The following IL3RA variants were observed in gnomAD, a reference collection of about 807,000 sequenced individuals.
IL3RA encodes interleukin-3 receptor subunit alpha.
IL3RA carries 73 observed loss-of-function variants against 52.3 expected under a neutral mutation model. That is an observed-to-expected ratio of 1.40 (90% CI 1.16 to 1.70). IL3RA has a LOEUF of 1.70. Ranked by LOEUF, IL3RA falls within the 40% of genes most tolerant of loss-of-function variation. The pLI is 0.00. For synonymous variants in IL3RA, 260 were observed against 194.0 expected, an observed-to-expected ratio of 1.34 and a Z score of -2.83; for missense variants, 664 against 504.4, an observed-to-expected ratio of 1.32 and a Z score of -3.03.
At chrX:1,354,216 C>T (rs779373509) in intron 6 of IL3RA, among the ~76,000 whole-genome samples, 32 of 152,270 alleles carry the variant, frequency 2.1e-4, no homozygotes, top group African/African-American at 7.0e-4. Context: ...CTTCAGCCCA[C>T]GCCAGTCACC....
chrX:1,368,150 T>C (rs2088313436), intron 9 of IL3RA, among the ~76,000 whole-genome samples: 1 of 152,044 alleles, frequency 6.6e-6, no homozygotes, highest in Admixed American at 6.5e-5. Context: ...TCCCAGCTAC[T>C]CGGGAGGCTG....
chrX:1,382,285 T>C, intron 11 of IL3RA, 106 bp from the exon 12 acceptor site: 1 of 1,026,420 alleles, frequency 9.7e-7, no homozygotes, highest in Non-Finnish European at 1.5e-6. Flanking sequence ...ACACCATGCC[T>C]GGCCCACAGA....
chrX:1,347,133 A>C (rs1428161221), intron 3 of IL3RA, among the ~76,000 whole-genome samples: 5 of 151,528 alleles, frequency 3.3e-5, no homozygotes, highest in Non-Finnish European at 7.3e-5. Context: ...GTTCATACCC[A>C]ATGTGCGGAT....
At position 1,382,525 on chromosome X, in the gene IL3RA, GCA is replaced by G. The variant is rs2089230675; in HGVS notation, c.*63_*64del. The G allele has an allele frequency of 6.8e-7, 1 of 1,468,720 alleles. No individual in the cohort carries two copies. Among genetic ancestry groups the G allele is most frequent in the Non-Finnish European group, 9.5e-7 (1 of 1,047,500 alleles). 91.0% of individuals were successfully genotyped at this position (1,468,720 alleles called of 1,614,324 possible). A position where few individuals can be genotyped will look rare whatever the true frequency, so the allele number is the denominator to read the frequency against. On this transcript the variant is annotated 3_prime_UTR_variant, in exon 12 of 12. Coordinates refer to ENST00000331035, the MANE Select transcript of IL3RA (RefSeq NM_002183.4). Reference sequence around the variant, plus strand: ...ATCTCCCTGGCCGGGCCAGGCGCCTGCACAGACTGGCTGCTGGACCTGCGCAC... The same window carrying G: ...ATCTCCCTGGCCGGGCCAGGCGCCTGCAGACTGGCTGCTGGACCTGCGCAC...
intron 3 of IL3RA, among the ~76,000 whole-genome samples, chrX:1,346,891 C>T (rs1185974975): frequency 3.3e-5 from 5 of 151,224 alleles, no homozygotes; most frequent in Non-Finnish European, 4.4e-5. Flanking sequence ...TGCGTCTGCT[C>T]GGGCCACCAT....
rs554191677 is a variant in IL3RA at position 1,364,426 on chromosome X, G to C, written c.760-712G>C. On this transcript the variant is annotated intron_variant, in intron 8 of 11. Transcript: ENST00000331035. ...GAATCGCTTGAATCTGGGAGGCGGAGGTTGCGGTGAGCCGAGTTGGTGCCA... is the reference window on the plus strand; with the variant it reads ...GAATCGCTTGAATCTGGGAGGCGGACGTTGCGGTGAGCCGAGTTGGTGCCA... Among the ~76,000 whole-genome samples, 48 of 152,222 alleles carry C rather than the reference G, an allele frequency of 3.2e-4. No homozygotes were observed. In the South Asian group the frequency reaches 9.7e-3, roughly 31 times the overall value.
Position 1,348,647 on chromosome X carries a change from TTTCTTTCTTTCTTTCTTTC to T in IL3RA, c.298+105_298+123del, listed in dbSNP as rs1262090266. 86 of 308,036 alleles carry T rather than the reference TTTCTTTCTTTCTTTCTTTC, an allele frequency of 2.8e-4. 2 individuals carry two copies. The African/African-American group carries it at 5.0e-3, about 18-fold the overall frequency. The allele number at this position is 308,036 out of a possible 1,614,324, so 19.1% of individuals were successfully genotyped here. A position where few individuals can be genotyped will look rare whatever the true frequency, so the allele number is the denominator to read the frequency against. On this transcript the variant is annotated intron_variant, in intron 4 of 11. Coordinates refer to ENST00000331035, the MANE Select transcript of IL3RA (RefSeq NM_002183.4). Reference sequence around the variant, plus strand: ...GTGTCTTTTTTCTTTTCTTTTTCTCTTTCTTTCTTTCTTTCTTTCTTTCTTTCTTTCTTTCTTTCTTTCT... The same window carrying T: ...GTGTCTTTTTTCTTTTCTTTTTCTCTTTTCTTTCTTTCTTTCTTTCTTTCT...
chrX:1,378,894 G>A, intron 10 of IL3RA, 130 bp downstream of exon 10: 1 of 886,870 alleles, frequency 1.1e-6, no homozygotes, highest in South Asian at 1.6e-5. Context: ...CCAGGCTGGA[G>A]TGCAGTGGCA....
At chrX:1,359,718 GTC>G (rs1437776669) in intron 8 of IL3RA, among the ~76,000 whole-genome samples, 99 of 111,584 alleles carry the variant, frequency 8.9e-4, no homozygotes, top group Non-Finnish European at 1.4e-3. Context: ...CTCTCTCCCT[GTC>G]TCTCTCTCCC....
In IL3RA at chrX:1,337,766, G is replaced by A. The variant is rs1470066284; in HGVS notation, c.-39+840G>A. 3.4e-5 allele frequency among the ~76,000 whole-genome samples: 5 copies of A among 145,098 alleles called. No homozygotes were observed. The Admixed American group carries it at 3.5e-4, about 10-fold the overall frequency. On this transcript the variant is annotated intron_variant, in intron 1 of 11. Transcript: ENST00000331035. ...ACAGCCCTCATACCCATCTATAGAC[G>A]AATGGATAAATATAATGTGGTCCAG...
chrX:1,347,906 G>C (rs17884223), intron 3 of IL3RA, among the ~76,000 whole-genome samples: 1 of 150,230 alleles, frequency 6.7e-6, no homozygotes, highest in Non-Finnish European at 1.5e-5. Flanking sequence ...GCGTGGTGGC[G>C]GGCGCCTGTA....
At position 1,341,354 on chromosome X, in the gene IL3RA, C is replaced by T. The variant is rs759541438; in HGVS notation, c.-38-374C>T. On this transcript the variant is annotated intron_variant, in intron 1 of 11. Transcript: ENST00000331035. ...ACTTATGTGTGCACACAGATACACA[C>T]GGGCACAAAAATGTACACACGTGCA... Among the ~76,000 whole-genome samples, 21 of 152,008 alleles carry T rather than the reference C, an allele frequency of 1.4e-4. 1 individual carries two copies. The South Asian group carries it at 1.9e-3, about 14-fold the overall frequency.
intron 4 of IL3RA, among the ~76,000 whole-genome samples, 155 bp downstream of exon 4, chrX:1,348,700 C>CTT (rs2085923503): frequency 6.1e-5 from 6 of 98,168 alleles, no homozygotes; most frequent in South Asian, 6.1e-4. Flanking sequence ...CTTTTTCTTT[C>CTT]TTTCTGTTTC....
chrX:1,353,935 GT>G, intron 6 of IL3RA, among the ~76,000 whole-genome samples: 1 of 121,272 alleles, frequency 8.2e-6, no homozygotes, highest in Non-Finnish European at 1.6e-5. Context: ...TCCATCATGG[GT>G]CATGGGACCC....
At chrX:1,339,579 G>A (rs1263430208) in intron 1 of IL3RA, among the ~76,000 whole-genome samples, 4 of 152,138 alleles carry the variant, frequency 2.6e-5, no homozygotes, top group African/African-American at 9.7e-5. Flanking sequence ...GGATCATGAG[G>A]TCAGGAGTTC....
rs186517030 is a variant in IL3RA at position 1,348,262 on chromosome X, A to G, written c.184-169A>G. Among the ~76,000 whole-genome samples, 529 of 151,226 alleles carry G rather than the reference A, an allele frequency of 3.5e-3. 6 individuals are homozygous for G. Among genetic ancestry groups the G allele is most frequent in the African/African-American group, 0.012 (505 of 41,112 alleles). On this transcript the variant is annotated intron_variant, in intron 3 of 11. Coordinates refer to ENST00000331035, the MANE Select transcript of IL3RA (RefSeq NM_002183.4). Reference sequence around the variant, plus strand: ...CAGGTGCTCGGGAGGTTGAAGCAGGAGAATGGCTTGAACCCGGGAGGGAGA... The same window carrying G: ...CAGGTGCTCGGGAGGTTGAAGCAGGGGAATGGCTTGAACCCGGGAGGGAGA...
At chrX:1,338,473 G>A (rs1195422767) in intron 1 of IL3RA, among the ~76,000 whole-genome samples, 1 of 151,710 alleles carries the variant, frequency 6.6e-6, no homozygotes, top group Non-Finnish European at 1.5e-5. Context: ...GGTGGAGAGA[G>A]TCCTCATACC....
At chrX:1,368,199 C>T (rs1358377850) in intron 9 of IL3RA, among the ~76,000 whole-genome samples, 4 of 151,842 alleles carry the variant, frequency 2.6e-5, no homozygotes, top group Admixed American at 2.0e-4. Context: ...GCGGAGGTTG[C>T]AGTGAGCCGA....
intron 6 of IL3RA, 81 bp downstream of exon 6, chrX:1,352,587 A>G: frequency 2.1e-6 from 3 of 1,406,140 alleles, no homozygotes; most frequent in South Asian, 1.3e-5. Flanking sequence ...CCACGGGACC[A>G]CGTGGCTCCC....
Sources: allele counts gnomAD v4.1 joint callset (sites outside exome capture counted in the v4.1 genomes callset), GRCh38; gene constraint gnomAD v4.1.1; transcripts MANE v1.5; gene names NCBI Gene and HGNC (gene_info 2026-07-23, HGNC 2026-07-21).